Variants in CLMP observed in about 807,000 individuals in gnomAD.
CLMP encodes the protein CXADR like cell adhesion molecule.
A neutral mutation model predicts 45.2 loss-of-function variants in CLMP; 27 were observed. The ratio of observed to expected loss-of-function variants is 0.60; its 90% CI spans 0.44 to 0.82. The LOEUF (loss-of-function observed/expected upper bound fraction) is 0.82. Among genes scored for constraint, CLMP ranks in the 40% least tolerant of loss-of-function variants. The probability of loss-of-function intolerance (pLI) is 0.00; values close to 1 mark genes in which losing one functional copy is unlikely to be tolerated. For synonymous variants in CLMP, 167 were observed against 171.4 expected (o/e 0.97, Z 0.20); for missense variants, 403 against 448.4 (o/e 0.90, Z 0.91).
chr11:123,184,036 T>C (rs925049990), intron 1 of CLMP, among the ~76,000 whole-genome samples: 2 of 152,210 alleles, frequency 1.3e-5, no homozygotes, highest in African/African-American at 4.8e-5. Flanking sequence ...TAATGTTATC[T>C]TGAAGATTAA....
At chr11:123,125,108 G>A (rs1291095997) in intron 1 of CLMP, among the ~76,000 whole-genome samples, 1 of 152,130 alleles carries the variant, frequency 6.6e-6, no homozygotes, top group Non-Finnish European at 1.5e-5. Context: ...ATGTTGCCTA[G>A]ATGGGTCTTG....
At chr11:123,162,233 G>A (rs145832890) in intron 1 of CLMP, among the ~76,000 whole-genome samples, 126 of 152,306 alleles carry the variant, frequency 8.3e-4, no homozygotes, top group Middle Eastern at 3.4e-3. Context: ...AGAAGGACCC[G>A]AGGCAGGAGA....
intron 1 of CLMP, 59 bp downstream of exon 1, chr11:123,194,854 G>A: frequency 6.2e-7 from 1 of 1,605,938 alleles, no homozygotes; most frequent in Non-Finnish European, 8.5e-7. Context: ...GTCTTTCCCG[G>A]ACGCAGGGCT....
At chr11:123,096,695 C>A (rs1865993732) in intron 2 of CLMP, among the ~76,000 whole-genome samples, 1 of 152,158 alleles carries the variant, frequency 6.6e-6, no homozygotes, top group African/African-American at 2.4e-5. Flanking sequence ...TAATAGTGAT[C>A]CTGAAATCTG....
chr11:123,193,736 TC>T (rs1458392813), intron 1 of CLMP, among the ~76,000 whole-genome samples: 1 of 152,212 alleles, frequency 6.6e-6, no homozygotes, highest in East Asian at 1.9e-4. Flanking sequence ...GACACCAGCC[TC>T]CTTCAAACCT....
At chr11:123,131,624 AT>A (rs1469879667) in intron 1 of CLMP, among the ~76,000 whole-genome samples, 1 of 135,940 alleles carries the variant, frequency 7.4e-6, no homozygotes, top group Admixed American at 7.7e-5. Context: ...TTTCTTTTCT[AT>A]TTTTTTTGAA....
intron 1 of CLMP, among the ~76,000 whole-genome samples, chr11:123,172,264 A>C (rs1241711201): frequency 6.6e-6 from 1 of 151,904 alleles, no homozygotes; most frequent in Non-Finnish European, 1.5e-5. Flanking sequence ...GGCACCCACC[A>C]CCACGCCTGG....
intron 1 of CLMP, among the ~76,000 whole-genome samples, chr11:123,150,275 TG>T (rs1412153082): frequency 6.6e-6 from 1 of 150,484 alleles, no homozygotes; most frequent in Non-Finnish European, 1.5e-5. Flanking sequence ...CAGATAGGCT[TG>T]AGAACAATAG....
chr11:123,150,611 AAG>A (rs1861323931), intron 1 of CLMP, among the ~76,000 whole-genome samples: 1 of 149,742 alleles, frequency 6.7e-6, no homozygotes, highest in South Asian at 2.1e-4. Context: ...GGAATGAAGG[AAG>A]GAAGGAAGGA....
chr11:123,073,531 T>C lies in CLMP; in HGVS notation c.1065A>G (p.Lys355=). The part of the protein sequence containing the change: ...PKKVHHANLT[K]AETTPSMIPS... ...GGATCATGCTGGGTGTGGTTTCTGC[T>C]TTGGTCAGATTAGCATGGTGGACTT... is the stretch of plus-strand genomic sequence containing the variant. Residue 355 remains lysine, a synonymous_variant, in exon 7 of 7, where the codon AAA becomes AAG. Coordinates refer to ENST00000448775, the MANE Select transcript of CLMP (RefSeq NM_024769.5). 1 of 1,614,200 alleles carries C rather than the reference T, an allele frequency of 6.2e-7. No individual in the cohort carries two copies. Among genetic ancestry groups the C allele is most frequent in the Non-Finnish European group, 8.5e-7 (1 of 1,180,038 alleles).
intron 6 of CLMP, 45 bp downstream of exon 6, chr11:123,074,656 GC>G (rs766878084): frequency 1.3e-6 from 2 of 1,587,806 alleles, no homozygotes; most frequent in African/African-American, 2.7e-5. Flanking sequence ...TATAGTGCTG[GC>G]CCTAAAACAG....
At chr11:123,074,957 TTG>T (rs1865719394) in intron 5 of CLMP, 114 bp from the exon 6 acceptor site, 2 of 1,281,830 alleles carry the variant, frequency 1.6e-6, no homozygotes, top group Non-Finnish European at 2.1e-6. Context: ...TTTGTTTGTT[TTG>T]TTTTTTTTTT....
chr11:123,140,443 T>C (rs1432842208), intron 1 of CLMP, among the ~76,000 whole-genome samples: 2 of 152,000 alleles, frequency 1.3e-5, no homozygotes, highest in Non-Finnish European at 2.9e-5. Context: ...CTAATGGAGA[T>C]CAGTAAGTCA....
chr11:123,124,631 T>C (rs969275153), intron 1 of CLMP, among the ~76,000 whole-genome samples: 1 of 152,240 alleles, frequency 6.6e-6, no homozygotes, highest in South Asian at 2.1e-4. Context: ...ATTCATTTAA[T>C]AAATACTTAT....
intron 1 of CLMP, among the ~76,000 whole-genome samples, chr11:123,122,410 T>A (rs1860832343): frequency 6.6e-6 from 1 of 152,188 alleles, no homozygotes; most frequent in South Asian, 2.1e-4. Flanking sequence ...TTGGCAGGGT[T>A]GTGTCTGTCG....
intron 1 of CLMP, among the ~76,000 whole-genome samples, chr11:123,101,375 G>A (rs1161173632): frequency 6.6e-6 from 1 of 152,168 alleles, no homozygotes; most frequent in Admixed American, 6.5e-5. Flanking sequence ...CCAAAGTGCT[G>A]GGATTACAGG....
intron 1 of CLMP, among the ~76,000 whole-genome samples, chr11:123,148,070 C>A (rs576303277): frequency 6.6e-6 from 1 of 152,324 alleles, no homozygotes; most frequent in South Asian, 2.1e-4. Flanking sequence ...CATACCTGAA[C>A]ACCCCCATCT....
At chr11:123,179,564 G>A (rs1415950042) in intron 1 of CLMP, among the ~76,000 whole-genome samples, 2 of 152,178 alleles carry the variant, frequency 1.3e-5, no homozygotes, top group African/African-American at 4.8e-5. Context: ...TGTGCTAGGA[G>A]GGGGTTTGGA....
rs1358528765 is a variant in CLMP at position 123,070,743 on chromosome 11, TA to T, written c.*2730del. On this transcript the variant is annotated 3_prime_UTR_variant, in exon 7 of 7. Transcript: ENST00000448775. ...CCTGGATACCACACTACCAGAGGAA[TA>T]AAAATGTAGTTAGAGTAAGGGGTTT... 3 of 152,198 alleles carry T rather than the reference TA, an allele frequency of 2.0e-5. No individual in the cohort carries two copies. Among genetic ancestry groups the T allele is most frequent in the Non-Finnish European group, 4.4e-5 (3 of 68,030 alleles). The allele number at this position is 152,198 out of a possible 1,614,324, so 9.4% of individuals were successfully genotyped here.
Sources: gnomAD v4.1 joint callset for allele counts (sites outside exome capture counted in the v4.1 genomes callset) on GRCh38, gnomAD v4.1.1 for gene constraint, MANE v1.5 for transcripts, NCBI Gene and HGNC (gene_info 2026-07-23, HGNC 2026-07-21) for gene names.